The following BTBD10 variants were observed in gnomAD, a reference collection of about 807,000 sequenced individuals.
BTBD10 encodes BTB domain containing 10.
A neutral mutation model predicts 53.2 loss-of-function variants in BTBD10; 21 were observed. That is an observed-to-expected ratio of 0.39 (90% CI 0.28 to 0.57). The LOEUF is 0.57. Ranked by LOEUF, BTBD10 falls within the 20% of genes least tolerant of loss-of-function variation. The probability of loss-of-function intolerance (pLI) is 0.53; values close to 1 mark genes in which losing one functional copy is unlikely to be tolerated. For missense variants in BTBD10, 360 were observed against 594.7 expected (o/e 0.61, Z 4.10); for synonymous variants, 149 against 192.7 (o/e 0.77, Z 1.88).
At chr11:13,419,230 T>C (rs962972016) in intron 4 of BTBD10, among the ~76,000 whole-genome samples, 2 of 152,158 alleles carry the variant, frequency 1.3e-5, no homozygotes, top group African/African-American at 2.4e-5. Context: ...CTATTTCTAC[T>C]GGTACTGCAA....
At chr11:13,399,556 C>T (rs1183695976) in intron 8 of BTBD10, among the ~76,000 whole-genome samples, 2 of 152,202 alleles carry the variant, frequency 1.3e-5, no homozygotes, top group Admixed American at 6.5e-5. Context: ...TCGTCAAAGT[C>T]ATTCTCCATT....
intron 8 of BTBD10, 109 bp from the exon 9 acceptor site, chr11:13,389,250 CAA>C: frequency 1.1e-6 from 1 of 889,214 alleles, no homozygotes; most frequent in Non-Finnish European, 1.7e-6. Flanking sequence ...AAATTTAAAA[CAA>C]AGAAGTGAAA....
intron 8 of BTBD10, 53 bp from the exon 9 acceptor site, chr11:13,389,194 C>T: frequency 6.7e-7 from 1 of 1,494,116 alleles, no homozygotes; most frequent in Non-Finnish European, 9.0e-7. Flanking sequence ...GACCTCTCAC[C>T]CAATTTCGCC....
At chr11:13,459,064 T>TA (rs1565277531) in intron 1 of BTBD10, among the ~76,000 whole-genome samples, 110 of 116,782 alleles carry the variant, frequency 9.4e-4, no homozygotes, top group African/African-American at 3.1e-3. Context: ...ATTTATTTTT[T>TA]TTTTTTTTTT....
intron 2 of BTBD10, among the ~76,000 whole-genome samples, 182 bp from the exon 3 acceptor site, chr11:13,422,020 T>A (rs1269899039): frequency 6.6e-6 from 1 of 152,226 alleles, no homozygotes; most frequent in East Asian, 1.9e-4. Context: ...GAATAACGTG[T>A]CTTTGAAGAT....
At chr11:13,432,857 C>A (rs1950475980) in intron 2 of BTBD10, among the ~76,000 whole-genome samples, 1 of 151,548 alleles carries the variant, frequency 6.6e-6, no homozygotes, top group Non-Finnish European at 1.5e-5. Context: ...TGAAGGAGGT[C>A]AACATTCAAT....
intron 8 of BTBD10, among the ~76,000 whole-genome samples, chr11:13,394,442 C>T (rs1949485442): frequency 6.6e-6 from 1 of 152,170 alleles, no homozygotes; most frequent in Non-Finnish European, 1.5e-5. Context: ...TTGTAAGTTT[C>T]CTGAGGCCTC....
chr11:13,394,623 G>A (rs1949490226), intron 8 of BTBD10, among the ~76,000 whole-genome samples: 5 of 152,010 alleles, frequency 3.3e-5, no homozygotes, highest in Admixed American at 3.3e-4. Context: ...TTATACATGT[G>A]CCATGTTGGT....
intron 1 of BTBD10, 148 bp downstream of exon 1, chr11:13,462,944 A>T (rs1242273266): frequency 6.6e-6 from 1 of 152,498 alleles, no homozygotes; most frequent in African/African-American, 2.4e-5. Context: ...CACCCACGGT[A>T]CCCGAGCAGG....
intron 2 of BTBD10, chr11:13,439,747 C>T (rs1950612034): frequency 4.7e-6 from 3 of 633,050 alleles, no homozygotes; most frequent in East Asian, 6.4e-5. Flanking sequence ...GAAAATCAGA[C>T]ATATGATCTT....
At chr11:13,461,548 T>C (rs1951097143) in intron 1 of BTBD10, among the ~76,000 whole-genome samples, 2 of 152,194 alleles carry the variant, frequency 1.3e-5, no homozygotes, top group Admixed American at 6.5e-5. Flanking sequence ...TCACCTATTA[T>C]AAAAAGCCAA....
intron 1 of BTBD10, among the ~76,000 whole-genome samples, chr11:13,458,240 C>T (rs1464642542): frequency 6.6e-6 from 1 of 151,358 alleles, no homozygotes; most frequent in Non-Finnish European, 1.5e-5. Flanking sequence ...TAAAATATGG[C>T]AGTTTTTCCT....
At chr11:13,456,368 G>A (rs1169746222) in intron 1 of BTBD10, among the ~76,000 whole-genome samples, 2 of 152,048 alleles carry the variant, frequency 1.3e-5, no homozygotes, top group Non-Finnish European at 2.9e-5. Context: ...TGGGACAACT[G>A]AATAAACATT....
chr11:13,456,615 G>A (rs1222739722), intron 1 of BTBD10, among the ~76,000 whole-genome samples: 1 of 151,982 alleles, frequency 6.6e-6, no homozygotes, highest in Non-Finnish European at 1.5e-5. Flanking sequence ...TTTTTAAAAG[G>A]GCTAATTTCA....
At chr11:13,417,070 G>A (rs1021910910) in intron 5 of BTBD10, 88 bp downstream of exon 5, 11 of 855,020 alleles carry the variant, frequency 1.3e-5, no homozygotes, top group Admixed American at 2.4e-5. Context: ...TAACTCCAGA[G>A]AGATATTCAA....
At chr11:13,417,761 A>C (rs1482119349) in intron 4 of BTBD10, among the ~76,000 whole-genome samples, 1 of 152,242 alleles carries the variant, frequency 6.6e-6, no homozygotes, top group Non-Finnish European at 1.5e-5. Flanking sequence ...TTAACTATAA[A>C]TGTAACAAAT....
intron 7 of BTBD10, chr11:13,404,548 A>G (rs1949777415): frequency 3.3e-6 from 3 of 921,474 alleles, no homozygotes; most frequent in African/African-American, 1.8e-5. Flanking sequence ...AACAGAAAAT[A>G]ATTTAGTATA....
chr11:13,426,054 A>G (rs917407994), intron 2 of BTBD10, among the ~76,000 whole-genome samples: 2 of 152,196 alleles, frequency 1.3e-5, no homozygotes, highest in Non-Finnish European at 2.9e-5. Flanking sequence ...GTGGCCTAAT[A>G]TAGGTGTAAA....
chr11:13,457,992 A>G (rs1487429136), intron 1 of BTBD10, among the ~76,000 whole-genome samples: 1 of 152,066 alleles, frequency 6.6e-6, no homozygotes, highest in Non-Finnish European at 1.5e-5. Context: ...ACTCATCATA[A>G]AACAGTTTCA....
Sources: allele counts gnomAD v4.1 joint callset (sites outside exome capture counted in the v4.1 genomes callset), GRCh38; gene constraint gnomAD v4.1.1; transcripts MANE v1.5; gene names NCBI Gene and HGNC (gene_info 2026-07-23, HGNC 2026-07-21).